The following CFH variants were observed in gnomAD, a reference collection of about 807,000 sequenced individuals.
The protein encoded by CFH is complement factor H.
Under a neutral mutation model 147.3 loss-of-function variants are expected in CFH, and 53 were observed. The ratio of observed to expected loss-of-function variants is 0.36; its 90% confidence interval spans 0.29 to 0.45. The LOEUF is 0.45. Among genes scored for constraint, CFH ranks in the 20% least tolerant of loss-of-function variants. CFH has a pLI of 1.00. For synonymous variants in CFH, 536 were observed against 489.4 expected (o/e 1.10, Z -1.26); for missense variants, 1,380 against 1,498.0 (o/e 0.92, Z 1.30).
chr1:196,698,309 A>C (rs865799662), intron 9 of CFH, among the ~76,000 whole-genome samples: 21 of 152,150 alleles, frequency 1.4e-4, no homozygotes, highest in African/African-American at 5.1e-4. Flanking sequence ...GAAAAGATTA[A>C]CAAAGTACAC....
rs1666515381 is a variant in CFH at position 196,652,056 on chromosome 1, G to T, written c.-62G>T. 2.6e-6 allele frequency: 3 copies of T among 1,151,526 alleles called. No individual in the cohort carries two copies. Among genetic ancestry groups the T allele is most frequent in the Admixed American group, 1.7e-5 (1 of 59,134 alleles). The allele number at this position is 1,151,526 out of a possible 1,614,324, so 71.3% of individuals were successfully genotyped here. A position where few individuals can be genotyped will look rare whatever the true frequency, so the allele number is the denominator to read the frequency against. ...CCTGCACTAATCACAATTCTTGGAA[G>T]AGGAGAACTGGACGTTGTGAACAGA... On this transcript the variant is annotated 5_prime_UTR_variant, in exon 1 of 22. Coordinates refer to ENST00000367429, the MANE Select transcript of CFH (RefSeq NM_000186.4).
intron 9 of CFH, among the ~76,000 whole-genome samples, chr1:196,710,531 G>A (rs1014263132): frequency 6.6e-6 from 1 of 151,854 alleles, no homozygotes; most frequent in African/African-American, 2.4e-5. Context: ...TTAAAATTTG[G>A]TAATGTGAGT....
chr1:196,701,013 T>C (rs961573612), intron 9 of CFH, among the ~76,000 whole-genome samples: 29 of 152,104 alleles, frequency 1.9e-4, no homozygotes, highest in African/African-American at 7.0e-4. Flanking sequence ...TAAGTCTAGG[T>C]AGGAACTTAT....
At chr1:196,673,763 T>G in intron 2 of CFH, 94 bp from the exon 3 acceptor site, 2 of 819,868 alleles carry the variant, frequency 2.4e-6, no homozygotes, top group Non-Finnish European at 4.3e-6. Flanking sequence ...ATCTGTCTTC[T>G]TATATAATAT....
intron 11 of CFH, among the ~76,000 whole-genome samples, chr1:196,719,427 A>G (rs763486370): frequency 2.0e-4 from 30 of 151,982 alleles, no homozygotes; most frequent in Non-Finnish European, 3.4e-4. Context: ...ATTCTCATTC[A>G]AGTGTGATTT....
At chr1:196,674,810 C>T (rs1667400699) in intron 3 of CFH, among the ~76,000 whole-genome samples, 1 of 152,034 alleles carries the variant, frequency 6.6e-6, no homozygotes, top group Non-Finnish European at 1.5e-5. Context: ...AAATATATCT[C>T]TTCACTACCA....
intron 1 of CFH, among the ~76,000 whole-genome samples, chr1:196,655,179 T>C (rs761382560): frequency 6.6e-6 from 1 of 152,126 alleles, no homozygotes; most frequent in Non-Finnish European, 1.5e-5. Context: ...CCTGAAACAA[T>C]TTCAGTGGGC....
At chr1:196,725,890 G>A (rs1669125476) in intron 12 of CFH, among the ~76,000 whole-genome samples, 1 of 152,168 alleles carries the variant, frequency 6.6e-6, no homozygotes, top group Non-Finnish European at 1.5e-5. Context: ...TGAAACACTG[G>A]GGATGAAGTT....
At chr1:196,693,955 GGTGTGT>G (rs71567586) in intron 9 of CFH, among the ~76,000 whole-genome samples, 1,904 of 142,742 alleles carry the variant, frequency 0.013, 36 homozygotes, top group African/African-American at 0.043. Flanking sequence ...TTAGATAAAT[GGTGTGT>G]GTGTGTGTGT....
At chr1:196,687,319 G>GA (rs1399148724) in intron 7 of CFH, among the ~76,000 whole-genome samples, 3 of 152,060 alleles carry the variant, frequency 2.0e-5, no homozygotes, top group Non-Finnish European at 4.4e-5. Context: ...CAGCGCTGAT[G>GA]AGACTCTCTG....
chr1:196,736,665 ACAT>A lies in CFH; in HGVS notation c.2414-155_2414-153del, dbSNP rs535637853. Among the ~76,000 whole-genome samples, 581 of 151,958 alleles carry A rather than the reference ACAT, an allele frequency of 3.8e-3. 5 individuals are homozygous for A. The highest frequency in any genetic ancestry group is 0.013 in the African/African-American group (557 of 41,542). ...AAAAGTATAATATTTGCATACAAAA[ACAT>A]CATAATTAATATGTGATAATTTATG... On this transcript the variant is annotated intron_variant, in intron 15 of 21. Transcript: ENST00000367429.
chr1:196,745,014 G>A (rs1652951747), intron 20 of CFH, among the ~76,000 whole-genome samples: 2 of 152,202 alleles, frequency 1.3e-5, no homozygotes, highest in Admixed American at 1.3e-4. Flanking sequence ...GTGCCACATG[G>A]TTATAGATGA....
In CFH at chr1:196,715,605, T is replaced by G. The variant is rs1420895923; in HGVS notation, c.1532T>G (p.Ile511Ser). 3.7e-6 allele frequency: 6 copies of G among 1,611,724 alleles called. No individual in the cohort carries two copies. The highest frequency in any genetic ancestry group is 5.1e-6 in the Non-Finnish European group (6 of 1,178,300). The stretch of plus-strand genomic sequence containing the variant: ...TTTTATGCACTAGAATCTTGTGATA[T>G]CCCAGTATTTATGAATGCCAGAACT... ...AQPTCIKSCDIPVFMNARTKN... is the reference protein window; with the variant it reads ...AQPTCIKSCDSPVFMNARTKN... Residue 511 changes from isoleucine to serine, a missense_variant, in exon 11 of 22, where the codon ATC (isoleucine) becomes AGC (serine). Around this residue, in one of 4 missense-constraint regions of CFH, gnomAD observed 830 missense variants for 821.4 expected, o/e 1.01. Transcript: ENST00000367429.
chr1:196,693,748 C>T (rs951458334), intron 9 of CFH, among the ~76,000 whole-genome samples: 1 of 152,074 alleles, frequency 6.6e-6, no homozygotes, highest in Admixed American at 6.6e-5. Flanking sequence ...CATCACACTA[C>T]CCAGAACACC....
At chr1:196,665,826 C>G (rs1459471405) in intron 1 of CFH, among the ~76,000 whole-genome samples, 1 of 152,150 alleles carries the variant, frequency 6.6e-6, no homozygotes. Context: ...GGGCTAGTCT[C>G]GAACTCCTGA....
intron 1 of CFH, among the ~76,000 whole-genome samples, chr1:196,661,755 TA>T (rs996706195): frequency 3.3e-5 from 5 of 152,208 alleles, no homozygotes; most frequent in African/African-American, 1.2e-4. Context: ...TACTAAAGTC[TA>T]ATAATAATTT....
At chr1:196,701,229 A>C (rs1573042335) in intron 9 of CFH, 9 of 1,579,324 alleles carry the variant, frequency 5.7e-6, no homozygotes, top group Non-Finnish European at 7.0e-6. Context: ...TTGTTTGGTC[A>C]GTCACATTCA....
chr1:196,697,549 CT>C (rs1350700429), intron 9 of CFH, among the ~76,000 whole-genome samples: 1 of 152,190 alleles, frequency 6.6e-6, no homozygotes, highest in Admixed American at 6.5e-5. Context: ...CACTTTTACA[CT>C]GTTGGTGGAA....
Position 196,741,970 on chromosome 1 carries a change from T to C in CFH, c.3052T>C (p.Cys1018Arg). 6.2e-7 allele frequency: 1 copy of C among 1,614,144 alleles called. No homozygotes were observed. Among genetic ancestry groups the C allele is most frequent in the Non-Finnish European group, 8.5e-7 (1 of 1,180,006 alleles). ...YKAGEQVTYT[C>R]ATYYKMDGAS... ...GGCGGGTGAGCAAGTGACTTACACT[T>C]GTGCAACATATTACAAAATGGATGG... Residue 1018 changes from cysteine (C) to arginine (R), a missense_variant, in exon 19 of 22, where the codon TGT becomes CGT. Physicochemically the swap from Cys to Arg is radical, Grantham distance 180. Coordinates refer to ENST00000367429, the MANE Select transcript of CFH (RefSeq NM_000186.4).
Sources: allele counts gnomAD v4.1 joint callset (sites outside exome capture counted in the v4.1 genomes callset), GRCh38; gene constraint gnomAD v4.1.1; regional missense constraint gnomAD v4.1.1; transcripts MANE v1.5; gene names NCBI Gene and HGNC (gene_info 2026-07-23, HGNC 2026-07-21).